Variants in TMTC2 observed in about 807,000 individuals in gnomAD.
TMTC2 encodes protein O-mannosyl-transferase TMTC2.
Under a neutral mutation model 82.4 loss-of-function variants are expected in TMTC2, and 43 were observed. That is an observed-to-expected ratio of 0.52 (90% confidence interval 0.41 to 0.67). The LOEUF (loss-of-function observed/expected upper bound fraction) is 0.67, where lower values mean the gene tolerates loss of function less well. Among genes scored for constraint, TMTC2 ranks in the 30% least tolerant of loss-of-function variants. The pLI, the probability that TMTC2 is intolerant of heterozygous loss-of-function variation, is 0.00. For missense variants in TMTC2, 919 were observed against 1,012.4 expected, an observed-to-expected ratio of 0.91 and a Z score of 1.25; for synonymous variants, 408 against 381.9, an observed-to-expected ratio of 1.07 and a Z score of -0.80.
At chr12:82,755,931 G>GA (rs972901976) in intron 1 of TMTC2, among the ~76,000 whole-genome samples, 7 of 150,698 alleles carry the variant, frequency 4.6e-5, no homozygotes, top group South Asian at 2.1e-4. Flanking sequence ...GCTGTACTAG[G>GA]AAAAAAAAAC....
intron 1 of TMTC2, among the ~76,000 whole-genome samples, chr12:82,761,712 G>A (rs1876642844): frequency 6.6e-6 from 1 of 152,044 alleles, no homozygotes; most frequent in African/African-American, 2.4e-5. Context: ...TCCCATTAAT[G>A]CTAGTGCTGT....
chr12:82,988,101 G>T (rs1319225675), intron 8 of TMTC2, among the ~76,000 whole-genome samples: 1 of 152,192 alleles, frequency 6.6e-6, no homozygotes, highest in Admixed American at 6.5e-5. Context: ...AAAGAAATTG[G>T]TGATGATGTG....
intron 3 of TMTC2, among the ~76,000 whole-genome samples, chr12:82,908,215 A>C (rs1874429455): frequency 6.6e-6 from 1 of 152,216 alleles, no homozygotes; most frequent in Admixed American, 6.5e-5. Flanking sequence ...ATATTTGTAT[A>C]GTTTAAGGAA....
chr12:82,761,308 T>C (rs1876619749), intron 1 of TMTC2, among the ~76,000 whole-genome samples: 1 of 152,234 alleles, frequency 6.6e-6, no homozygotes, highest in Non-Finnish European at 1.5e-5. Flanking sequence ...TTCAGCCTGG[T>C]ATGTTATGAT....
intron 11 of TMTC2, among the ~76,000 whole-genome samples, chr12:83,062,167 G>T (rs1306497315): frequency 1.3e-5 from 2 of 151,662 alleles, no homozygotes; most frequent in East Asian, 1.9e-4. Flanking sequence ...TTCCTTGAAG[G>T]GTTTTTTGGC....
intron 4 of TMTC2, among the ~76,000 whole-genome samples, chr12:82,937,758 A>G (rs1279346420): frequency 0.088 from 1,696 of 19,242 alleles, 55 homozygotes; most frequent in Non-Finnish European, 0.11. Context: ...GTGTATATAT[A>G]TATATATATA....
At chr12:82,725,334 C>T (rs930528811) in intron 1 of TMTC2, among the ~76,000 whole-genome samples, 1 of 151,832 alleles carries the variant, frequency 6.6e-6, no homozygotes, top group African/African-American at 2.4e-5. Flanking sequence ...GCTTCTAATG[C>T]CTAAAGGAGT....
At chr12:82,985,331 C>A (rs564597660) in intron 7 of TMTC2, among the ~76,000 whole-genome samples, 1 of 152,280 alleles carries the variant, frequency 6.6e-6, no homozygotes, top group African/African-American at 2.4e-5. Context: ...GGATTACAGG[C>A]ATGAGCCCCC....
chr12:82,886,799 C>G (rs1020840080), intron 2 of TMTC2, among the ~76,000 whole-genome samples: 3 of 152,118 alleles, frequency 2.0e-5, no homozygotes, highest in Non-Finnish European at 2.9e-5. Flanking sequence ...TATGATGAAA[C>G]TTTGATTAAT....
At chr12:82,864,441 C>T (rs1041973120) in intron 2 of TMTC2, among the ~76,000 whole-genome samples, 1 of 151,314 alleles carries the variant, frequency 6.6e-6, no homozygotes, top group African/African-American at 2.4e-5. Flanking sequence ...TGAAAATCCT[C>T]CTGAAAGCTA....
In TMTC2 at chr12:82,986,034, G is replaced by C. The variant is rs1056788260; in HGVS notation, c.2058G>C (p.Leu686=). 2 of 1,613,848 alleles carry C rather than the reference G, an allele frequency of 1.2e-6. No individual in the cohort carries two copies. The change falls in exon 8 of 12, where the codon CTG becomes CTC. Residue 686 remains leucine, a synonymous_variant. Transcript: ENST00000321196. ...CTGCTCATCTCACCTATGGGAAGCT[G>C]CTAGCTCTAACAGTGAGTAACCGCC... The part of the protein sequence containing the change: ...HIPAHLTYGK[L]LALTGRKSEA...
intron 1 of TMTC2, among the ~76,000 whole-genome samples, chr12:82,694,249 G>T (rs1872696069): frequency 6.6e-6 from 1 of 151,972 alleles, no homozygotes; most frequent in African/African-American, 2.4e-5. Context: ...AAAAGCTAGA[G>T]ATAATTATTT....
chr12:83,050,195 A>C (rs1263553303), intron 9 of TMTC2, among the ~76,000 whole-genome samples: 12 of 152,220 alleles, frequency 7.9e-5, no homozygotes. Context: ...GATAAGGCTT[A>C]GCATTACTAC....
chr12:82,994,604 A>C (rs1370795436), intron 8 of TMTC2, among the ~76,000 whole-genome samples: 3 of 151,698 alleles, frequency 2.0e-5, no homozygotes, highest in Non-Finnish European at 4.4e-5. Context: ...TGCTTTTTAA[A>C]TATAGCTTGG....
intron 7 of TMTC2, among the ~76,000 whole-genome samples, chr12:82,978,492 A>G (rs1282079201): frequency 1.3e-5 from 2 of 151,712 alleles, no homozygotes; most frequent in African/African-American, 4.8e-5. Flanking sequence ...GTGTGTGTGT[A>G]GTTTTCAAAA....
chr12:82,791,610 C>A (rs1351593914), intron 1 of TMTC2, among the ~76,000 whole-genome samples: 1 of 152,138 alleles, frequency 6.6e-6, no homozygotes, highest in East Asian at 1.9e-4. Context: ...TTCATAAAAT[C>A]ATGTTCCTTT....
chr12:82,717,511 G>T (rs1426825489), intron 1 of TMTC2, among the ~76,000 whole-genome samples: 1 of 152,128 alleles, frequency 6.6e-6, no homozygotes, highest in African/African-American at 2.4e-5. Flanking sequence ...CATTACAGGT[G>T]TGAGCCACTG....
intron 11 of TMTC2, among the ~76,000 whole-genome samples, chr12:83,065,755 A>T (rs2137479591): frequency 6.6e-6 from 1 of 151,996 alleles, no homozygotes; most frequent in African/African-American, 2.4e-5. Flanking sequence ...CAAGGACTAG[A>T]GGGGATATTA....
intron 8 of TMTC2, among the ~76,000 whole-genome samples, chr12:83,022,531 G>A (rs934667660): frequency 3.3e-5 from 5 of 152,126 alleles, no homozygotes; most frequent in East Asian, 1.9e-4. Flanking sequence ...GCCTGGAACC[G>A]AGCCTATCAC....
Sources: gnomAD v4.1 joint callset for allele counts (sites outside exome capture counted in the v4.1 genomes callset) on GRCh38, gnomAD v4.1.1 for gene constraint, MANE v1.5 for transcripts, NCBI Gene and HGNC (gene_info 2026-07-23, HGNC 2026-07-21) for gene names.